Variants in IQCK observed in about 807,000 individuals in gnomAD.
The protein encoded by IQCK is IQ motif containing K.
IQCK carries 29 observed loss-of-function variants against 28.1 expected under a neutral mutation model. The ratio of observed to expected loss-of-function variants is 1.03; its 90% CI spans 0.77 to 1.41. The LOEUF is 1.41. IQCK is among the 40% of genes most tolerant of loss of function. The pLI is 0.00. For missense variants in IQCK, 359 were observed against 314.7 expected, an observed-to-expected ratio of 1.14 and a Z score of -1.07; for synonymous variants, 113 against 115.1, an observed-to-expected ratio of 0.98 and a Z score of 0.12.
chr16:19,744,183 T>C (rs932591177), intron 4 of IQCK, among the ~76,000 whole-genome samples: 14 of 152,244 alleles, frequency 9.2e-5, no homozygotes, highest in African/African-American at 3.4e-4. Flanking sequence ...TATATATCAT[T>C]TTAAATACTA....
At chr16:19,777,383 A>G (rs1354941962) in intron 6 of IQCK, among the ~76,000 whole-genome samples, 1 of 152,196 alleles carries the variant, frequency 6.6e-6, no homozygotes, top group Non-Finnish European at 1.5e-5. Context: ...GTGGCACAAA[A>G]AACTGCATTT....
chr16:19,846,212 A>T (rs2056414058), intron 9 of IQCK, among the ~76,000 whole-genome samples: 1 of 152,196 alleles, frequency 6.6e-6, no homozygotes, highest in Non-Finnish European at 1.5e-5. Flanking sequence ...GGCTTCCAAG[A>T]TGTTGAGAGA....
At chr16:19,725,654 G>A (rs1257882601) in intron 1 of IQCK, among the ~76,000 whole-genome samples, 1 of 152,162 alleles carries the variant, frequency 6.6e-6, no homozygotes, top group East Asian at 1.9e-4. Flanking sequence ...ATTCTTTTAT[G>A]CCTTTCAATG....
At chr16:19,723,032 C>T (rs866428450) in intron 1 of IQCK, among the ~76,000 whole-genome samples, 5 of 152,198 alleles carry the variant, frequency 3.3e-5, no homozygotes, top group South Asian at 4.1e-4. Flanking sequence ...TCACTTTCCA[C>T]GGCCCCACAC....
chr16:19,781,363 G>A (rs2151726820), intron 6 of IQCK, among the ~76,000 whole-genome samples: 1 of 152,308 alleles, frequency 6.6e-6, no homozygotes, highest in African/African-American at 2.4e-5. Flanking sequence ...CAGTGATGGA[G>A]TTGGTTAAAT....
chr16:19,725,522 T>G (rs1301383987), intron 1 of IQCK, among the ~76,000 whole-genome samples: 2 of 152,210 alleles, frequency 1.3e-5, no homozygotes, highest in African/African-American at 4.8e-5. Flanking sequence ...CTTAAGTATT[T>G]CTAATGCAGA....
intron 9 of IQCK, among the ~76,000 whole-genome samples, chr16:19,852,653 C>A (rs1236068744): frequency 7.2e-6 from 1 of 139,306 alleles, no homozygotes; most frequent in Non-Finnish European, 1.5e-5. Flanking sequence ...GATGGAGTCT[C>A]GCCCTGTCGC....
At chr16:19,740,811 A>C (rs1423142475) in intron 4 of IQCK, among the ~76,000 whole-genome samples, 1 of 151,822 alleles carries the variant, frequency 6.6e-6, no homozygotes, top group Non-Finnish European at 1.5e-5. Flanking sequence ...TCTACTAAAA[A>C]TACAAAAATT....
At chr16:19,724,618 T>A (rs1346066427) in intron 1 of IQCK, among the ~76,000 whole-genome samples, 1 of 152,042 alleles carries the variant, frequency 6.6e-6, no homozygotes, top group East Asian at 1.9e-4. Flanking sequence ...AAGCTCCGCC[T>A]CCTGGATTCA....
intron 9 of IQCK, among the ~76,000 whole-genome samples, chr16:19,850,844 A>T (rs975189822): frequency 1.3e-5 from 2 of 152,072 alleles, no homozygotes; most frequent in South Asian, 4.1e-4. Flanking sequence ...GCAAGACCCT[A>T]TCTCAACCCA....
At position 19,735,364 on chromosome 16, in the gene IQCK, G is replaced by T; in HGVS notation, c.388G>T (p.Glu130Ter). 1 of 1,613,224 alleles carries T rather than the reference G, an allele frequency of 6.2e-7. No homozygotes were observed. The highest frequency in any genetic ancestry group is 8.5e-7 in the Non-Finnish European group (1 of 1,179,196). ...TTTGTTTGTTTTAGGTTCTCCCAAA[G>T]AATATTTGGAAACTTTCATCTTTCC... The change falls in exon 4 of 8, where the codon GAA (glutamate) becomes TAA (stop). Residue 130 changes from glutamate (E) to a stop codon, truncating the protein, a stop_gained. Transcript: ENST00000564186. LOFTEE classifies it high-confidence loss of function.
At chr16:19,807,883 G>T (rs2055852955) in intron 7 of IQCK, among the ~76,000 whole-genome samples, 1 of 152,150 alleles carries the variant, frequency 6.6e-6, no homozygotes. Flanking sequence ...TATTGGCTGG[G>T]TCTGATCCAT....
intron 9 of IQCK, among the ~76,000 whole-genome samples, chr16:19,835,487 A>G (rs1407508926): frequency 1.3e-5 from 2 of 152,098 alleles, no homozygotes; most frequent in East Asian, 1.9e-4. Context: ...ACCAATTCCT[A>G]TGAATGGATA....
intron 1 of IQCK, 107 bp downstream of exon 1, chr16:19,718,594 G>C: frequency 1.9e-6 from 2 of 1,053,806 alleles, no homozygotes; most frequent in Admixed American, 4.2e-5. Context: ...CGGGGCCGCC[G>C]GGCAGCGGCT....
intron 4 of IQCK, among the ~76,000 whole-genome samples, chr16:19,744,489 G>A (rs771752016): frequency 2.4e-4 from 37 of 152,118 alleles, no homozygotes; most frequent in Non-Finnish European, 3.8e-4. Context: ...ATATTTAATA[G>A]GCAGGTATTT....
intron 7 of IQCK, among the ~76,000 whole-genome samples, chr16:19,791,772 G>GTT (rs987213780): frequency 2.4e-5 from 3 of 125,498 alleles, no homozygotes; most frequent in Non-Finnish European, 4.7e-5. Flanking sequence ...CTATAAATGT[G>GTT]TTTATAGCTA....
At chr16:19,774,980 C>A (rs2055370053) in intron 6 of IQCK, among the ~76,000 whole-genome samples, 1 of 152,124 alleles carries the variant, frequency 6.6e-6, no homozygotes, top group African/African-American at 2.4e-5. Context: ...GTAATCCCAG[C>A]ACTTTGGGAG....
upstream of IQCK, chr16:19,718,273 T>G (rs768807850): frequency 3.8e-6 from 6 of 1,576,498 alleles, no homozygotes; most frequent in Non-Finnish European, 5.2e-6. Context: ...GTCGCGGCCT[T>G]CCGGCGAACG....
intron 1 of IQCK, among the ~76,000 whole-genome samples, chr16:19,721,632 C>CTGCA (rs1390501265): frequency 6.7e-6 from 1 of 149,858 alleles, no homozygotes; most frequent in Non-Finnish European, 1.5e-5. Context: ...GTCACCCAGG[C>CTGCA]TGCAGTGCAG....
Sources: allele counts gnomAD v4.1 joint callset (sites outside exome capture counted in the v4.1 genomes callset), GRCh38; gene constraint gnomAD v4.1.1; transcripts MANE v1.5; gene names NCBI Gene and HGNC (gene_info 2026-07-23, HGNC 2026-07-21).